The following MTF2 variants were observed in gnomAD, a reference collection of about 807,000 sequenced individuals.
MTF2 encodes metal-response element-binding transcription factor 2.
Under a neutral mutation model 79.5 loss-of-function variants are expected in MTF2, and 11 were observed. The ratio of observed to expected loss-of-function variants is 0.14; its 90% CI spans 0.09 to 0.23. The LOEUF is 0.23. MTF2 is among the 10% of genes least tolerant of loss of function. The probability of loss-of-function intolerance (pLI) is 1.00; values close to 1 mark genes in which losing one functional copy is unlikely to be tolerated. For missense variants in MTF2, 486 were observed against 711.2 expected, an observed-to-expected ratio of 0.68 and a Z score of 3.60; for synonymous variants, 208 against 232.8, an observed-to-expected ratio of 0.89 and a Z score of 0.97.
intron 9 of MTF2, among the ~76,000 whole-genome samples, chr1:93,126,123 TA>T (rs1254435753): frequency 3.3e-5 from 5 of 150,918 alleles, no homozygotes; most frequent in African/African-American, 1.2e-4. Flanking sequence ...GGTGGTTTGA[TA>T]TAGGGGAATG....
chr1:93,089,050 A>G (rs1654967366), intron 1 of MTF2, among the ~76,000 whole-genome samples: 1 of 152,168 alleles, frequency 6.6e-6, no homozygotes, highest in South Asian at 2.1e-4. Flanking sequence ...TAATTTCATG[A>G]AGAGTACTAA....
intron 1 of MTF2, among the ~76,000 whole-genome samples, chr1:93,106,400 C>T (rs1655789856): frequency 1.3e-5 from 2 of 150,924 alleles, no homozygotes; most frequent in South Asian, 4.2e-4. Context: ...CGCAGACCTG[C>T]CATGGCATTC....
At chr1:93,091,610 C>T (rs556625894) in intron 1 of MTF2, among the ~76,000 whole-genome samples, 5 of 152,148 alleles carry the variant, frequency 3.3e-5, no homozygotes, top group Admixed American at 6.6e-5. Flanking sequence ...AGATTGCCAA[C>T]GTTTCATTTT....
intron 11 of MTF2, 100 bp downstream of exon 11, chr1:93,129,548 A>T (rs1571252570): frequency 3.7e-6 from 3 of 818,584 alleles, no homozygotes; most frequent in Non-Finnish European, 5.1e-6. Context: ...TACAAGTGGC[A>T]GTTACTCTGA....
At chr1:93,121,734 T>C in intron 9 of MTF2, 1 of 933,812 alleles carries the variant, frequency 1.1e-6, no homozygotes, top group Non-Finnish European at 1.3e-6. Context: ...TTAAGTTTTC[T>C]GTTAAATACT....
At chr1:93,105,806 G>T (rs1490019174) in intron 1 of MTF2, among the ~76,000 whole-genome samples, 1 of 152,044 alleles carries the variant, frequency 6.6e-6, no homozygotes, top group Non-Finnish European at 1.5e-5. Flanking sequence ...CTCCTGAGTA[G>T]CTGGGATTAC....
intron 1 of MTF2, chr1:93,081,043 T>G (rs907616857): frequency 6.6e-6 from 1 of 152,192 alleles, no homozygotes; most frequent in East Asian, 1.9e-4. Context: ...CTAAAAATGT[T>G]CTAAATATTT....
chr1:93,115,007 C>T lies in MTF2; in HGVS notation c.402C>T (p.His134=). The part of the protein sequence containing the change: ...KCGQGYHQLC[H]TPHIDSSVID... ...ATTAAGGATATCATCAGTTGTGTCA[C>T]ACACCTCATATTGATTCCAGTGTGA... The change falls in exon 5 of 15, where the codon CAC becomes CAT. Residue 134 remains histidine, a synonymous_variant. Transcript: ENST00000370298. 6.2e-7 allele frequency: 1 copy of T among 1,607,540 alleles called. No homozygotes were observed. The highest frequency in any genetic ancestry group is 1.1e-5 in the South Asian group (1 of 90,354).
At chr1:93,101,366 CTTTTTTT>C (rs71586777) in intron 1 of MTF2, among the ~76,000 whole-genome samples, 9,606 of 108,622 alleles carry the variant, frequency 0.088, 1,254 homozygotes, top group African/African-American at 0.32. Context: ...CTATCTTAAC[CTTTTTTT>C]TTTTTTTTTT....
chr1:93,082,756 T>C (rs1475275824), intron 1 of MTF2, among the ~76,000 whole-genome samples: 1 of 152,216 alleles, frequency 6.6e-6, no homozygotes, highest in East Asian at 1.9e-4. Flanking sequence ...TCAGTGATTT[T>C]TTTTAGTATA....
intron 1 of MTF2, among the ~76,000 whole-genome samples, chr1:93,101,042 GAT>G (rs934702500): frequency 6.6e-6 from 1 of 152,206 alleles, no homozygotes; most frequent in African/African-American, 2.4e-5. Context: ...TAAGAATTGA[GAT>G]AGTTCTTTAT....
chr1:93,108,684 A>C (rs1000325886), intron 1 of MTF2, among the ~76,000 whole-genome samples: 1 of 59,140 alleles, frequency 1.7e-5, no homozygotes, highest in Non-Finnish European at 3.4e-5. Flanking sequence ...CATTTATCCT[A>C]CTTGGAATTT....
chr1:93,081,800 T>G (rs917049070), intron 1 of MTF2, among the ~76,000 whole-genome samples: 1 of 152,220 alleles, frequency 6.6e-6, no homozygotes, highest in Non-Finnish European at 1.5e-5. Flanking sequence ...AGTGAATTTA[T>G]AATTTAATTC....
intron 1 of MTF2, among the ~76,000 whole-genome samples, chr1:93,109,579 C>T (rs1040139478): frequency 2.0e-5 from 3 of 152,214 alleles, no homozygotes; most frequent in Non-Finnish European, 4.4e-5. Flanking sequence ...AGGTGATCCA[C>T]CCGCCTCAGC....
chr1:93,082,589 T>C (rs1253894986), intron 1 of MTF2, among the ~76,000 whole-genome samples: 1 of 152,176 alleles, frequency 6.6e-6, no homozygotes, highest in African/African-American at 2.4e-5. Flanking sequence ...GCCCATTGTT[T>C]TTATTATTTT....
intron 1 of MTF2, among the ~76,000 whole-genome samples, chr1:93,086,308 A>G (rs1412242452): frequency 6.6e-6 from 1 of 152,090 alleles, no homozygotes. Context: ...GTTTGAGACC[A>G]GCTGGGCCAA....
At chr1:93,126,984 A>G (rs1371795918) in intron 9 of MTF2, among the ~76,000 whole-genome samples, 1 of 152,160 alleles carries the variant, frequency 6.6e-6, no homozygotes, top group African/African-American at 2.4e-5. Flanking sequence ...ATATCGTTGG[A>G]TTAATGTAAT....
At chr1:93,083,187 G>A (rs920030906) in intron 1 of MTF2, among the ~76,000 whole-genome samples, 20 of 152,160 alleles carry the variant, frequency 1.3e-4, no homozygotes, top group Non-Finnish European at 7.3e-5. Context: ...AGATGGGGGC[G>A]GCTCCACATG....
chr1:93,102,215 T>C (rs564335369), intron 1 of MTF2, among the ~76,000 whole-genome samples: 2 of 152,342 alleles, frequency 1.3e-5, no homozygotes, highest in South Asian at 2.1e-4. Flanking sequence ...TTATAACATA[T>C]AAGATGCTCT....
Sources: gnomAD v4.1 joint callset for allele counts (sites outside exome capture counted in the v4.1 genomes callset) on GRCh38, gnomAD v4.1.1 for gene constraint, MANE v1.5 for transcripts, NCBI Gene and HGNC (gene_info 2026-07-23, HGNC 2026-07-21) for gene names.